Variants in APC observed in about 807,000 individuals in gnomAD.
APC encodes the protein APC regulator of Wnt signaling pathway, also known as adenomatous polyposis coli protein.
APC carries 72 observed loss-of-function variants against 247.0 expected under a neutral mutation model. The observed-to-expected ratio is 0.29, with a 90% CI of 0.24 to 0.35. The LOEUF (loss-of-function observed/expected upper bound fraction) is 0.35. Ranked by LOEUF, APC falls within the 10% of genes least tolerant of loss-of-function variation. The pLI is 1.00. For synonymous variants in APC, 1,254 were observed against 1,162.5 expected, an observed-to-expected ratio of 1.08 and a Z score of -1.60; for missense variants, 3,400 against 3,360.7, an observed-to-expected ratio of 1.01 and a Z score of -0.29.
At chr5:112,810,664 T>A (rs1352923780) in intron 8 of APC, among the ~76,000 whole-genome samples, 1 of 152,208 alleles carries the variant, frequency 6.6e-6, no homozygotes, top group East Asian at 1.9e-4. Context: ...GTGATTGCAA[T>A]GTTTCCAGAC....
intron 6 of APC, among the ~76,000 whole-genome samples, chr5:112,781,398 C>T (rs1439716974): frequency 6.6e-6 from 1 of 152,180 alleles, no homozygotes. Flanking sequence ...TATTAGCTAG[C>T]TTTGCTATTA....
At chr5:112,759,259 C>G (rs1187971968) in intron 2 of APC, among the ~76,000 whole-genome samples, 1 of 151,890 alleles carries the variant, frequency 6.6e-6, no homozygotes, top group African/African-American at 2.4e-5. Context: ...CAAGTAGCAG[C>G]CTCCCTGAAA....
rs1580619095 is a variant in APC, at chr5:112,837,782, A to T, written c.2188A>T (p.Met730Leu). The stretch of plus-strand genomic sequence containing the variant: ...AAGTGCTGCAGCTTTAAGGAATCTC[A>T]TGGCAAATAGGCCTGCGAAGTACAA... Reference protein sequence around the residue: ...MGSAAALRNLMANRPAKYKDA... With the variant: ...MGSAAALRNLLANRPAKYKDA... The change falls in exon 16 of 16, where the codon ATG becomes TTG. Residue 730 changes from methionine to leucine, a missense_variant. Met to Leu is a conservative substitution (Grantham distance 15, BLOSUM62 2). Transcript: ENST00000257430. 1 of 1,612,008 alleles carries T rather than the reference A, an allele frequency of 6.2e-7. No individual in the cohort carries two copies. The highest frequency in any genetic ancestry group is 8.5e-7 in the Non-Finnish European group (1 of 1,178,096).
At chr5:112,826,513 TAAG>T (rs1179765291) in intron 11 of APC, among the ~76,000 whole-genome samples, 2 of 150,366 alleles carry the variant, frequency 1.3e-5, no homozygotes, top group African/African-American at 4.9e-5. Context: ...CAACGAGAAG[TAAG>T]AAATGTTTTG....
At chr5:112,827,864 C>A in intron 12 of APC, 65 bp from the exon 13 acceptor site, 1 of 1,350,646 alleles carries the variant, frequency 7.4e-7, no homozygotes, top group Non-Finnish European at 1.1e-6. Context: ...CATTTAGTAG[C>A]CAAAAATAAA....
At position 112,839,674 on chromosome 5, in the gene APC, T is replaced by C. The variant is rs776615303; in HGVS notation, c.4080T>C (p.Ser1360=). The part of the protein sequence containing the change: ...KAVEFSSGAK[S]PSKSGAQTPK... Reference sequence around the variant, plus strand: ...TTGAATTTTCTTCAGGAGCGAAATCTCCCTCCAAAAGTGGTGCTCAGACAC... The same window carrying C: ...TTGAATTTTCTTCAGGAGCGAAATCCCCCTCCAAAAGTGGTGCTCAGACAC... The change falls in exon 16 of 16, where the codon TCT becomes TCC. Residue 1360 remains serine (S), a synonymous_variant. Transcript: ENST00000257430. The surrounding 1 kb of genome is among the most constrained non-coding windows in gnomAD (Gnocchi z 5.0). The C allele has an allele frequency of 6.2e-7, 1 of 1,614,064 alleles. No homozygotes were observed. The highest frequency in any genetic ancestry group is 8.5e-7 in the Non-Finnish European group (1 of 1,180,008).
rs757874563 is a variant in APC at position 112,843,876 on chromosome 5, C to G, written c.8282C>G (p.Pro2761Arg). Residue 2761 changes from proline to arginine, a missense_variant, in exon 16 of 16, where the codon CCA becomes CGA. Coordinates refer to ENST00000257430, the MANE Select transcript of APC (RefSeq NM_000038.6). This position sits in a 1 kb window ranked among gnomAD's most constrained non-coding sequence, Gnocchi z 4.8. ...GAAAGTTCTATAGTGGAACGTACCC[C>G]ATTCAGTTCTAGCAGCTCAAGCAAA... Reference protein sequence around the residue: ...TNESSIVERTPFSSSSSSKHS... With the variant: ...TNESSIVERTRFSSSSSSKHS... 2 of 1,614,026 alleles carry G rather than the reference C, an allele frequency of 1.2e-6. No homozygotes were observed. Among genetic ancestry groups the G allele is most frequent in the Non-Finnish European group, 1.7e-6 (2 of 1,179,896 alleles).
intron 1 of APC, among the ~76,000 whole-genome samples, chr5:112,717,908 C>CTTTTTTTTTTTTTTTTTTTTTT: frequency 0.014 from 553 of 40,662 alleles, 201 homozygotes; most frequent in Middle Eastern, 0.019. Flanking sequence ...TTTTCTTTTT[C>CTTTTTTTTTTTTTTTTTTTTTT]TTTTTTTTTT....
intron 8 of APC, among the ~76,000 whole-genome samples, chr5:112,815,165 A>G (rs961227019): frequency 2.2e-4 from 34 of 152,180 alleles, no homozygotes; most frequent in Admixed American, 5.9e-4. Flanking sequence ...CATTCCTTCA[A>G]TGCTTTTCAT....
intron 13 of APC, 90 bp downstream of exon 13, chr5:112,828,096 T>G: frequency 9.3e-7 from 1 of 1,078,582 alleles, no homozygotes; most frequent in Admixed American, 1.9e-5. Context: ...AGGGCAGTTG[T>G]GCAATCTCAG....
At chr5:112,783,683 T>G (rs1758615081) in intron 6 of APC, 1 of 227,360 alleles carries the variant, frequency 4.4e-6, no homozygotes, top group Non-Finnish European at 8.3e-6. Context: ...TAGACCTAGT[T>G]ACTTGGGAGG....
chr5:112,839,611 T>C lies in APC; in HGVS notation c.4017T>C (p.Gly1339=), dbSNP rs1554085461. ...HPRTKSSRLQ[G]SSLSSESARH... ...GAACCAAATCCAGCAGACTGCAGGG[T>C]TCTAGTTTATCTTCAGAATCAGCCA... The change falls in exon 16 of 16, where the codon GGT becomes GGC. Residue 1339 remains glycine (G), a synonymous_variant. Transcript: ENST00000257430. The surrounding 1 kb of genome is among the most constrained non-coding windows in gnomAD (Gnocchi z 5.0). 1.2e-6 allele frequency: 2 copies of C among 1,613,884 alleles called. No homozygotes were observed. Among genetic ancestry groups the C allele is most frequent in the Non-Finnish European group, 1.7e-6 (2 of 1,179,958 alleles).
chr5:112,754,167 A>G (rs1393556492), intron 1 of APC, among the ~76,000 whole-genome samples: 2 of 152,222 alleles, frequency 1.3e-5, no homozygotes, highest in Non-Finnish European at 2.9e-5. Context: ...TGAGCACAGC[A>G]GATCCCAAGA....
intron 1 of APC, among the ~76,000 whole-genome samples, chr5:112,746,057 T>G (rs752782807): frequency 1.4e-4 from 22 of 151,986 alleles, no homozygotes; most frequent in Non-Finnish European, 2.2e-4. Context: ...AGAACATCAG[T>G]GAGAAAAGAT....
chr5:112,709,816 G>T (rs1478832627), intron 1 of APC, among the ~76,000 whole-genome samples: 1 of 152,128 alleles, frequency 6.6e-6, no homozygotes, highest in Admixed American at 6.5e-5. Flanking sequence ...GAGGCAGGAG[G>T]ATTGTTGGAG....
chr5:112,765,824 G>A (rs892078963), intron 2 of APC, among the ~76,000 whole-genome samples: 5 of 152,174 alleles, frequency 3.3e-5, no homozygotes, highest in Non-Finnish European at 5.9e-5. Context: ...TCATTTGAAT[G>A]TATGCTAATT....
At chr5:112,826,621 T>C (rs1472511738) in intron 11 of APC, among the ~76,000 whole-genome samples, 3 of 151,734 alleles carry the variant, frequency 2.0e-5, no homozygotes, top group Non-Finnish European at 4.4e-5. Context: ...TTAGTTTTTC[T>C]TCATGCACAG....
At position 112,833,196 on chromosome 5, in the gene APC, T is replaced by G. The variant is rs866303681; in HGVS notation, c.1744-1755T>G. 7.3e-3 allele frequency among the ~76,000 whole-genome samples: 1,098 copies of G among 150,866 alleles called. 16 individuals are homozygous for G. The highest frequency in any genetic ancestry group is 0.025 in the African/African-American group (1,029 of 41,024). On this transcript the variant is annotated intron_variant, in intron 14 of 15. Transcript: ENST00000257430. ...GCCTGGCTAATTTTTTTTTTTTTTT[T>G]TTTTGAGACCGAGTCTCGCTCTGTC...
chr5:112,776,537 C>A (rs746752367), intron 5 of APC, among the ~76,000 whole-genome samples: 40 of 152,146 alleles, frequency 2.6e-4, no homozygotes, highest in Non-Finnish European at 5.3e-4. Context: ...GGGATTTCAA[C>A]TTTTTGTTAA....
Sources: allele counts gnomAD v4.1 joint callset (sites outside exome capture counted in the v4.1 genomes callset), GRCh38; gene constraint gnomAD v4.1.1; non-coding constraint Gnocchi (gnomAD v3.1); transcripts MANE v1.5; gene names NCBI Gene and HGNC (gene_info 2026-07-23, HGNC 2026-07-21).